Variants in SUMF1 observed in about 807,000 individuals in gnomAD.
SUMF1 encodes formylglycine-generating enzyme.
Under a neutral mutation model 47.6 loss-of-function variants are expected in SUMF1, and 48 were observed. The ratio of observed to expected loss-of-function variants is 1.01; its 90% CI spans 0.80 to 1.28. The LOEUF is 1.28. Among genes scored for constraint, SUMF1 ranks in the 50% most tolerant of loss-of-function variants. The pLI is 0.00. For synonymous variants in SUMF1, 230 were observed against 192.1 expected (o/e 1.20, Z -1.63); for missense variants, 571 against 485.4 (o/e 1.18, Z -1.66).
intron 7 of SUMF1, among the ~76,000 whole-genome samples, chr3:4,406,083 G>A (rs985969172): frequency 2.6e-5 from 4 of 151,722 alleles, no homozygotes; most frequent in South Asian, 2.1e-4. Context: ...AAAGGCCAGC[G>A]TTTCTCATTA....
intron 9 of SUMF1, among the ~76,000 whole-genome samples, chr3:4,043,543 C>A (rs1411381244): frequency 1.3e-5 from 2 of 152,118 alleles, no homozygotes; most frequent in Non-Finnish European, 2.9e-5. Flanking sequence ...ACCCCCCATT[C>A]CTCTCCAGGC....
At chr3:4,155,386 G>A (rs1559518104) in intron 8 of SUMF1, among the ~76,000 whole-genome samples, 1 of 151,536 alleles carries the variant, frequency 6.6e-6, no homozygotes, top group Non-Finnish European at 1.5e-5. Context: ...TCATATGAAT[G>A]GAAAATGCTA....
rs529074016 is a variant in SUMF1, at chr3:4,395,274, T to C, written c.954+15591A>G. 3.9e-5 allele frequency among the ~76,000 whole-genome samples: 6 copies of C among 152,312 alleles called. No homozygotes were observed. The East Asian group carries it at 1.2e-3, about 29-fold the overall frequency. ...AGTATCTTCTAGGTTCAGCAGCATC[T>C]CTACCCAAAGTACATATTTGTGAAA... On this transcript the variant is annotated intron_variant, in intron 7 of 8. Transcript: ENST00000272902.
intron 8 of SUMF1, among the ~76,000 whole-genome samples, chr3:4,137,914 TAC>T (rs61300596): frequency 0.41 from 58,095 of 141,902 alleles, 12,207 homozygotes; most frequent in Non-Finnish European, 0.49. Flanking sequence ...ACACTAATAA[TAC>T]ACACACACAC....
At chr3:4,458,132 C>T (rs1296826982) in intron 1 of SUMF1, among the ~76,000 whole-genome samples, 1 of 152,132 alleles carries the variant, frequency 6.6e-6, no homozygotes, top group East Asian at 1.9e-4. Context: ...AGAAAAAATG[C>T]TCTTCACAAC....
intron 8 of SUMF1, among the ~76,000 whole-genome samples, chr3:4,305,590 C>T (rs1698160160): frequency 6.6e-6 from 1 of 152,178 alleles, no homozygotes; most frequent in Admixed American, 6.5e-5. Context: ...CCCTCCAGGG[C>T]AATTTCAAGA....
intron 8 of SUMF1, among the ~76,000 whole-genome samples, chr3:4,088,456 T>C (rs1413661775): frequency 6.6e-6 from 1 of 152,110 alleles, no homozygotes; most frequent in Non-Finnish European, 1.5e-5. Context: ...AACATCATCT[T>C]AGCAAGGCCT....
chr3:4,229,907 G>A (rs1696260938), intron 8 of SUMF1, among the ~76,000 whole-genome samples: 1 of 152,012 alleles, frequency 6.6e-6, no homozygotes, highest in Non-Finnish European at 1.5e-5. Flanking sequence ...CAGCTACTCT[G>A]GAGGCTGAGG....
At chr3:4,289,099 C>T (rs1237255690) in intron 8 of SUMF1, among the ~76,000 whole-genome samples, 2 of 152,136 alleles carry the variant, frequency 1.3e-5, no homozygotes, top group Non-Finnish European at 2.9e-5. Flanking sequence ...TATTTTAAAC[C>T]CTATCCCAGC....
intron 8 of SUMF1, among the ~76,000 whole-genome samples, chr3:4,215,301 G>A (rs1304244268): frequency 2.0e-5 from 3 of 152,104 alleles, no homozygotes; most frequent in Non-Finnish European, 4.4e-5. Context: ...AAAACAACAT[G>A]ATTATCTCAA....
chr3:4,463,260 G>C (rs574059219), intron 1 of SUMF1, among the ~76,000 whole-genome samples: 43 of 152,338 alleles, frequency 2.8e-4, no homozygotes, highest in African/African-American at 9.6e-4. Context: ...GGGAGGCAGA[G>C]GCAGGTGGAT....
In SUMF1 at chr3:4,277,313, C is replaced by T. The variant is rs529612140; in HGVS notation, c.1014+99017G>A. 3.9e-5 allele frequency among the ~76,000 whole-genome samples: 6 copies of T among 152,186 alleles called. No homozygotes were observed. The South Asian group carries it at 1.2e-3, about 32-fold the overall frequency. On this transcript the variant is annotated intron_variant and NMD_transcript_variant, in intron 8 of 12. Transcript: ENST00000448413. The stretch of plus-strand genomic sequence containing the variant: ...TACCCAGGTCTCCTTTCCCAAAAGC[C>T]TGGTGTTCTTTCCATTACCTTATCA...
chr3:4,181,028 G>C (rs1280921180), intron 8 of SUMF1, among the ~76,000 whole-genome samples: 1 of 152,114 alleles, frequency 6.6e-6, no homozygotes, highest in Admixed American at 6.6e-5. Context: ...AGTAGCTGGA[G>C]TAAAAATGTA....
rs78847185 is a variant in SUMF1 at position 4,083,191 on chromosome 3, G to A, written c.1015-14446C>T. Among the ~76,000 whole-genome samples the A allele has an allele frequency of 8.0e-3, 1,214 of 152,236 alleles. 12 individuals are homozygous for A. Among genetic ancestry groups the A allele is most frequent in the African/African-American group, 0.024 (982 of 41,522 alleles). On this transcript the variant is annotated intron_variant and NMD_transcript_variant, in intron 8 of 12. Coordinates refer to the SUMF1 transcript ENST00000448413. ...ACACCTCACTTTTGATTAAGAGATC[G>A]CAAACTGACTTGTTAATATTGTAAT... is the stretch of plus-strand genomic sequence containing the variant.
At chr3:4,211,740 A>G (rs886412455) in intron 8 of SUMF1, among the ~76,000 whole-genome samples, 2 of 152,162 alleles carry the variant, frequency 1.3e-5, no homozygotes, top group African/African-American at 4.8e-5. Flanking sequence ...GATTGGCTAA[A>G]ATTATAAGAA....
At chr3:4,306,719 T>G (rs547130563) in intron 8 of SUMF1, among the ~76,000 whole-genome samples, 1 of 152,378 alleles carries the variant, frequency 6.6e-6, no homozygotes, top group African/African-American at 2.4e-5. Context: ...CAAAACAGCT[T>G]GCTTGCTCCA....
At chr3:4,303,902 C>T (rs1269268494) in intron 8 of SUMF1, 1 of 1,232,284 alleles carries the variant, frequency 8.1e-7, no homozygotes, top group Non-Finnish European at 1.0e-6. Flanking sequence ...TAATGGATCG[C>T]AGCCGGTGTC....
intron 8 of SUMF1, among the ~76,000 whole-genome samples, chr3:4,312,133 T>C (rs7634802): frequency 0.16 from 24,377 of 152,194 alleles, 2,154 homozygotes; most frequent in Middle Eastern, 0.22. Context: ...TCTAGTAATA[T>C]CTATTTAAGA....
intron 1 of SUMF1, among the ~76,000 whole-genome samples, chr3:4,464,470 G>A (rs2079891338): frequency 6.6e-6 from 1 of 152,090 alleles, no homozygotes; most frequent in Non-Finnish European, 1.5e-5. Flanking sequence ...TAAATGCCAT[G>A]TGGGTAGTGT....
Sources: allele counts gnomAD v4.1 joint callset (sites outside exome capture counted in the v4.1 genomes callset), GRCh38; gene constraint gnomAD v4.1.1; transcripts MANE v1.5; gene names NCBI Gene and HGNC (gene_info 2026-07-23, HGNC 2026-07-21).